FRMD4A: variants seen among roughly 807,000 people sequenced by gnomAD.
FRMD4A encodes the protein FERM domain-containing protein 4A.
A neutral mutation model predicts 129.1 loss-of-function variants in FRMD4A; 29 were observed. That is an observed-to-expected ratio of 0.22 (90% CI 0.17 to 0.31). The LOEUF (loss-of-function observed/expected upper bound fraction) is 0.31, where lower values mean the gene tolerates loss of function less well. Ranked by LOEUF, FRMD4A falls within the 10% of genes least tolerant of loss-of-function variation. The pLI, the probability that FRMD4A is intolerant of heterozygous loss-of-function variation, is 1.00. For synonymous variants in FRMD4A, 634 were observed against 571.6 expected, an observed-to-expected ratio of 1.11 and a Z score of -1.56; for missense variants, 1,272 against 1,375.8, an observed-to-expected ratio of 0.92 and a Z score of 1.19.
At chr10:13,855,768 T>G (rs1159110739) in intron 3 of FRMD4A, among the ~76,000 whole-genome samples, 9 of 152,158 alleles carry the variant, frequency 5.9e-5, no homozygotes, top group African/African-American at 1.7e-4. Flanking sequence ...AACCTAGAGG[T>G]GGGTCCAGAT....
intron 4 of FRMD4A, among the ~76,000 whole-genome samples, chr10:13,804,373 ATGAC>A (rs1170466864): frequency 2.0e-5 from 3 of 152,178 alleles, no homozygotes; most frequent in Non-Finnish European, 4.4e-5. Flanking sequence ...GGAATGCTGA[ATGAC>A]TGAACCCTTT....
intron 2 of FRMD4A, among the ~76,000 whole-genome samples, chr10:14,309,291 A>G (rs1285226790): frequency 6.6e-6 from 1 of 152,130 alleles, no homozygotes; most frequent in East Asian, 1.9e-4. Context: ...CTCTAAAAAA[A>G]TTTTTTAAAT....
chr10:13,949,330 A>AG (rs2095356705), intron 2 of FRMD4A, among the ~76,000 whole-genome samples: 1 of 149,922 alleles, frequency 6.7e-6, no homozygotes, highest in Non-Finnish European at 1.5e-5. Flanking sequence ...AAAGAAAGAA[A>AG]GAATAGGATG....
intron 2 of FRMD4A, among the ~76,000 whole-genome samples, chr10:14,137,250 T>A (rs564411434): frequency 1.3e-5 from 2 of 152,350 alleles, no homozygotes; most frequent in South Asian, 4.1e-4. Flanking sequence ...TCTGTGGGAA[T>A]AACTCCCCCT....
At chr10:13,755,335 A>C (rs1190283278) in intron 8 of FRMD4A, among the ~76,000 whole-genome samples, 1 of 152,208 alleles carries the variant, frequency 6.6e-6, no homozygotes, top group Non-Finnish European at 1.5e-5. Context: ...TAATTCACAC[A>C]TGGCTCTTTA....
intron 2 of FRMD4A, among the ~76,000 whole-genome samples, chr10:13,873,493 T>C (rs1015094711): frequency 1.3e-5 from 2 of 152,250 alleles, no homozygotes; most frequent in Non-Finnish European, 2.9e-5. Flanking sequence ...TTTCGTGCAC[T>C]ACAAGTTTAC....
chr10:13,666,061 T>C (rs111417929), intron 18 of FRMD4A, 36 bp downstream of exon 18: 15,270 of 1,311,122 alleles, frequency 0.012, 568 homozygotes, highest in African/African-American at 0.099. Flanking sequence ...GGCCCGGGCG[T>C]GGGAGTGGGG....
chr10:13,925,883 CTTTT>C (rs150868660), intron 2 of FRMD4A, among the ~76,000 whole-genome samples: 12 of 135,522 alleles, frequency 8.9e-5, no homozygotes, highest in Admixed American at 2.9e-4. Context: ...GCACCTGGCT[CTTTT>C]TTTTTTTTTT....
chr10:13,833,279 C>T (rs1237773562), intron 3 of FRMD4A, among the ~76,000 whole-genome samples: 2 of 152,198 alleles, frequency 1.3e-5, no homozygotes. Flanking sequence ...AGAAGTCTTA[C>T]ATGGTGGCAG....
chr10:13,925,565 G>GC (rs2095122365), intron 2 of FRMD4A, among the ~76,000 whole-genome samples: 3 of 59,812 alleles, frequency 5.0e-5, no homozygotes, highest in Admixed American at 4.7e-4. Flanking sequence ...GTAGTGAAAC[G>GC]CTTTTTTTTT....
At chr10:14,021,745 T>A (rs2457858) in intron 2 of FRMD4A, among the ~76,000 whole-genome samples, 106,166 of 151,942 alleles carry the variant, frequency 0.7, 37,543 homozygotes, top group African/African-American at 0.76. Flanking sequence ...TTGTAAATAA[T>A]CCTTTAGACT....
Position 13,919,984 on chromosome 10 carries a change from C to T in FRMD4A, c.46-61072G>A, listed in dbSNP as rs150629817. Among the ~76,000 whole-genome samples the T allele has an allele frequency of 7.3e-4, 111 of 152,220 alleles. 1 individual carries two copies. The highest frequency in any genetic ancestry group is 1.4e-3 in the Non-Finnish European group (95 of 67,992). ...ACACACAAACAAACTAACACAATTGCATGTGCGCCTGACCTAGCTTACATA... is the reference window on the plus strand; with the variant it reads ...ACACACAAACAAACTAACACAATTGTATGTGCGCCTGACCTAGCTTACATA... On this transcript the variant is annotated intron_variant, in intron 2 of 24. Transcript: ENST00000357447.
At chr10:13,780,492 G>A (rs1440615200) in intron 6 of FRMD4A, among the ~76,000 whole-genome samples, 1 of 152,178 alleles carries the variant, frequency 6.6e-6, no homozygotes, top group Admixed American at 6.6e-5. Context: ...TACAGGACAA[G>A]GGGCTGTCGC....
chr10:13,748,671 A>G (rs1252771915), intron 8 of FRMD4A, among the ~76,000 whole-genome samples: 1 of 152,126 alleles, frequency 6.6e-6, no homozygotes, highest in Non-Finnish European at 1.5e-5. Flanking sequence ...TGAGCATCCC[A>G]TATCCCAAAA....
chr10:13,705,145 T>C (rs887953362), intron 13 of FRMD4A, among the ~76,000 whole-genome samples: 1 of 152,178 alleles, frequency 6.6e-6, no homozygotes, highest in Non-Finnish European at 1.5e-5. Flanking sequence ...AGACCCTGCC[T>C]CCGACTTCCT....
intron 2 of FRMD4A, among the ~76,000 whole-genome samples, chr10:13,866,552 T>G (rs970447080): frequency 6.6e-6 from 1 of 152,012 alleles, no homozygotes; most frequent in African/African-American, 2.4e-5. Flanking sequence ...GACCACAAAA[T>G]CTCAATCATC....
chr10:13,906,107 T>C (rs1457559836), intron 2 of FRMD4A, among the ~76,000 whole-genome samples: 3 of 152,232 alleles, frequency 2.0e-5, no homozygotes, highest in Non-Finnish European at 2.9e-5. Context: ...GGCATCCTTC[T>C]TGGTGTGTAT....
At position 13,679,474 on chromosome 10, in the gene FRMD4A, T is replaced by TACACAC. The variant is rs59818032; in HGVS notation, c.1118-4436_1118-4431dup. 6.7e-3 allele frequency among the ~76,000 whole-genome samples: 210 copies of TACACAC among 31,484 alleles called. 11 individuals carry two copies. The highest frequency in any genetic ancestry group is 0.025 in the African/African-American group (187 of 7,452). 20.7% of individuals were successfully genotyped at this position (31,484 alleles called of 152,430 possible). On this transcript the variant is annotated intron_variant, in intron 15 of 24. Coordinates refer to ENST00000357447, the MANE Select transcript of FRMD4A (RefSeq NM_018027.5). ...AAAAAAAAAAAAATATATATATATA[T>TACACAC]ACACACACACACACACACACACACA...
intron 2 of FRMD4A, among the ~76,000 whole-genome samples, chr10:14,120,856 C>G (rs1405186016): frequency 6.6e-6 from 1 of 152,244 alleles, no homozygotes; most frequent in Non-Finnish European, 1.5e-5. Context: ...CAAAGCCTGT[C>G]TCCTGGCTGA....
Sources: allele counts gnomAD v4.1 joint callset (sites outside exome capture counted in the v4.1 genomes callset), GRCh38; gene constraint gnomAD v4.1.1; transcripts MANE v1.5; gene names NCBI Gene and HGNC (gene_info 2026-07-23, HGNC 2026-07-21).